The following CSMD1 variants were observed in gnomAD, a reference collection of about 807,000 sequenced individuals.
CSMD1 encodes the protein CUB and Sushi multiple domains 1.
CSMD1 carries 213 observed loss-of-function variants against 417.5 expected under a neutral mutation model. The observed-to-expected ratio is 0.51, with a 90% CI of 0.46 to 0.57. The LOEUF is 0.57. Among genes scored for constraint, CSMD1 ranks in the 20% least tolerant of loss-of-function variants. The pLI is 0.00. For synonymous variants in CSMD1, 2,862 were observed against 1,736.8 expected (o/e 1.65, Z -16.11); for missense variants, 6,923 against 4,529.7 (o/e 1.53, Z -15.17).
chr8:3,707,616 T>C (rs80235611), intron 7 of CSMD1, among the ~76,000 whole-genome samples: 6,545 of 152,214 alleles, frequency 0.043, 215 homozygotes, highest in South Asian at 0.071. Context: ...CCAGTAACTG[T>C]TATGACATGT....
intron 42 of CSMD1, 23 bp from the exon 43 acceptor site, chr8:3,110,358 A>C (rs759347669): frequency 6.3e-7 from 1 of 1,578,506 alleles, no homozygotes; most frequent in Non-Finnish European, 8.6e-7. Flanking sequence ...CCAAGAAAAA[A>C]CAAGCGCCAT....
intron 69 of CSMD1, among the ~76,000 whole-genome samples, chr8:2,941,907 A>C (rs970734703): frequency 6.6e-6 from 1 of 152,234 alleles, no homozygotes; most frequent in African/African-American, 2.4e-5. Context: ...ATGGAGCCTG[A>C]ATGTAGAGAT....
intron 2 of CSMD1, among the ~76,000 whole-genome samples, chr8:4,585,870 T>G (rs1799674477): frequency 6.6e-6 from 1 of 152,132 alleles, no homozygotes; most frequent in Non-Finnish European, 1.5e-5. Context: ...AGCATGCAGG[T>G]AAAGATGGAA....
At chr8:3,980,441 A>G (rs993748799) in intron 5 of CSMD1, among the ~76,000 whole-genome samples, 2 of 152,144 alleles carry the variant, frequency 1.3e-5, no homozygotes, top group African/African-American at 4.8e-5. Context: ...AAATCTTCAC[A>G]TCTTACACGT....
intron 25 of CSMD1, among the ~76,000 whole-genome samples, chr8:3,301,117 TTTC>T (rs1159597843): frequency 2.0e-5 from 3 of 152,132 alleles, no homozygotes; most frequent in East Asian, 1.9e-4. Flanking sequence ...TAATACATGA[TTTC>T]TTCAATTGTT....
chr8:3,769,258 C>A (rs1798448869), intron 5 of CSMD1, among the ~76,000 whole-genome samples: 1 of 152,078 alleles, frequency 6.6e-6, no homozygotes, highest in African/African-American at 2.4e-5. Flanking sequence ...CATGATTCTT[C>A]CATATATATC....
chr8:4,642,990 G>A (rs1585380307), intron 1 of CSMD1, among the ~76,000 whole-genome samples: 1 of 152,178 alleles, frequency 6.6e-6, no homozygotes. Flanking sequence ...GGACTGCAGA[G>A]GAACAGTCTG....
At chr8:4,528,491 A>G (rs1796631213) in intron 2 of CSMD1, among the ~76,000 whole-genome samples, 2 of 152,224 alleles carry the variant, frequency 1.3e-5, no homozygotes, top group African/African-American at 4.8e-5. Context: ...CTTAGAGGTC[A>G]GCTGTGTAGC....
At chr8:4,782,135 G>C (rs77378338) in intron 1 of CSMD1, among the ~76,000 whole-genome samples, 1,549 of 152,290 alleles carry the variant, frequency 0.01, 10 homozygotes, top group East Asian at 0.048. Flanking sequence ...GAAGGGGAGA[G>C]AGGTTGCTCA....
chr8:3,809,543 G>T (rs1800943604), intron 5 of CSMD1, among the ~76,000 whole-genome samples: 1 of 152,134 alleles, frequency 6.6e-6, no homozygotes, highest in Non-Finnish European at 1.5e-5. Flanking sequence ...CTCAAACATT[G>T]CCATGCATCG....
intron 2 of CSMD1, among the ~76,000 whole-genome samples, chr8:4,556,735 G>C (rs1252464658): frequency 6.6e-6 from 1 of 152,126 alleles, no homozygotes; most frequent in Non-Finnish European, 1.5e-5. Context: ...CACAAGATGA[G>C]CATCGCAAAG....
At chr8:4,239,260 G>C (rs999865857) in intron 3 of CSMD1, among the ~76,000 whole-genome samples, 33 of 152,178 alleles carry the variant, frequency 2.2e-4, no homozygotes, top group African/African-American at 8.0e-4. Context: ...TGGATGCTGA[G>C]GTTGGATGTA....
chr8:4,434,091 A>G (rs779647585), intron 2 of CSMD1, among the ~76,000 whole-genome samples: 6 of 152,176 alleles, frequency 3.9e-5, no homozygotes, highest in Non-Finnish European at 7.4e-5. Context: ...TGATCCCAGC[A>G]CTTTGGGAGG....
At chr8:4,404,251 G>C (rs79483801) in intron 3 of CSMD1, among the ~76,000 whole-genome samples, 4,823 of 152,086 alleles carry the variant, frequency 0.032, 141 homozygotes, top group South Asian at 0.1. Flanking sequence ...CCTTGTGATA[G>C]GCTATATATT....
intron 41 of CSMD1, among the ~76,000 whole-genome samples, chr8:3,125,197 G>A (rs1005655246): frequency 2.6e-5 from 4 of 152,208 alleles, no homozygotes; most frequent in African/African-American, 4.8e-5. Context: ...GTATGCTGAA[G>A]AATTTTGGAA....
At chr8:4,027,626 T>G (rs896776797) in intron 4 of CSMD1, among the ~76,000 whole-genome samples, 4 of 152,192 alleles carry the variant, frequency 2.6e-5, no homozygotes, top group Non-Finnish European at 5.9e-5. Context: ...TAACCTCTTT[T>G]CTTTATAAAT....
At position 3,022,368 on chromosome 8, in the gene CSMD1, G is replaced by A. The variant is rs963292951; in HGVS notation, c.7856-3718C>T. On this transcript the variant is annotated intron_variant, in intron 51 of 69. Coordinates refer to ENST00000635120, the MANE Select transcript of CSMD1 (RefSeq NM_033225.6). ...ATGCACCCGCAATCCCACAGCATCC[G>A]GAATGCACCCGCAATCCCACAGCGT... Among the ~76,000 whole-genome samples the A allele has an allele frequency of 6.2e-4, 94 of 151,746 alleles. 1 individual carries two copies. Among genetic ancestry groups the A allele is most frequent in the African/African-American group, 3.1e-4 (13 of 41,362 alleles).
At chr8:3,404,218 C>CAGTT (rs1380609638) in intron 15 of CSMD1, among the ~76,000 whole-genome samples, 1 of 151,986 alleles carries the variant, frequency 6.6e-6, no homozygotes, top group Admixed American at 6.6e-5. Context: ...TCTGTAGTCC[C>CAGTT]AGTTACTCAG....
chr8:4,735,446 G>A (rs762995048), intron 1 of CSMD1, among the ~76,000 whole-genome samples: 13 of 152,182 alleles, frequency 8.5e-5, no homozygotes, highest in Non-Finnish European at 1.5e-4. Flanking sequence ...ACGTAGATCT[G>A]CAAGTGTTGT....
Sources: allele counts gnomAD v4.1 joint callset (sites outside exome capture counted in the v4.1 genomes callset), GRCh38; gene constraint gnomAD v4.1.1; transcripts MANE v1.5; gene names NCBI Gene and HGNC (gene_info 2026-07-23, HGNC 2026-07-21).